The following PLCB1 variants were observed in gnomAD, a reference collection of about 807,000 sequenced individuals.
PLCB1 encodes phospholipase C beta 1.
PLCB1 carries 46 observed loss-of-function variants against 161.8 expected under a neutral mutation model. The ratio of observed to expected loss-of-function variants is 0.28; its 90% CI spans 0.22 to 0.36. PLCB1 has a LOEUF of 0.36. Among genes scored for constraint, PLCB1 ranks in the 10% least tolerant of loss-of-function variants. PLCB1 has a pLI of 1.00. For synonymous variants in PLCB1, 517 were observed against 503.7 expected (o/e 1.03, Z -0.35); for missense variants, 1,016 against 1,472.5 (o/e 0.69, Z 5.07).
intron 2 of PLCB1, among the ~76,000 whole-genome samples, chr20:8,302,432 C>T (rs1382841917): frequency 6.6e-6 from 1 of 152,112 alleles, no homozygotes; most frequent in Non-Finnish European, 1.5e-5. Flanking sequence ...AAATAGGGGG[C>T]CAATTTCATT....
At chr20:8,729,256 GA>G in intron 18 of PLCB1, 82 bp downstream of exon 18, 1 of 1,267,886 alleles carries the variant, frequency 7.9e-7, no homozygotes, top group Non-Finnish European at 1.0e-6. Context: ...TTGGGGGAGA[GA>G]AAATTGCCAG....
chr20:8,350,989 G>A (rs1336181078), intron 2 of PLCB1, among the ~76,000 whole-genome samples: 1 of 152,058 alleles, frequency 6.6e-6, no homozygotes, highest in East Asian at 1.9e-4. Context: ...TTTTTTATAT[G>A]TTGGCATAAT....
chr20:8,202,884 A>G (rs148020338), intron 2 of PLCB1, among the ~76,000 whole-genome samples: 1 of 152,290 alleles, frequency 6.6e-6, no homozygotes, highest in African/African-American at 2.4e-5. Flanking sequence ...GAGGAAGAAC[A>G]CGCAGAGAAA....
intron 2 of PLCB1, among the ~76,000 whole-genome samples, chr20:8,360,519 C>T (rs978357642): frequency 1.3e-5 from 2 of 152,032 alleles, no homozygotes; most frequent in African/African-American, 2.4e-5. Context: ...GATCAACAGT[C>T]GAATGAAAAG....
At chr20:8,568,195 A>G (rs2123042631) in intron 3 of PLCB1, among the ~76,000 whole-genome samples, 1 of 152,346 alleles carries the variant, frequency 6.6e-6, no homozygotes, top group Middle Eastern at 3.4e-3. Flanking sequence ...TATGCTGGAT[A>G]AAGTGTATTG....
chr20:8,151,530 G>A (rs188794552), intron 2 of PLCB1, among the ~76,000 whole-genome samples: 168 of 152,230 alleles, frequency 1.1e-3, no homozygotes, highest in African/African-American at 3.0e-3. Context: ...CAGACCCTAC[G>A]CTAATGTCAA....
intron 3 of PLCB1, among the ~76,000 whole-genome samples, chr20:8,561,656 GT>G (rs1326447711): frequency 6.6e-6 from 1 of 151,906 alleles, no homozygotes; most frequent in East Asian, 1.9e-4. Flanking sequence ...CCTCATTTGT[GT>G]TTGGTAAATT....
intron 3 of PLCB1, among the ~76,000 whole-genome samples, chr20:8,510,882 G>A (rs748902432): frequency 4.5e-4 from 68 of 152,254 alleles, no homozygotes; most frequent in Non-Finnish European, 8.1e-4. Flanking sequence ...GGCAAATAAT[G>A]ATTACATATG....
chr20:8,818,937 A>G (rs992959555), intron 31 of PLCB1, among the ~76,000 whole-genome samples: 1 of 145,188 alleles, frequency 6.9e-6, no homozygotes, highest in East Asian at 2.0e-4. Flanking sequence ...AGGGAGACTC[A>G]GTCTCAAAAA....
At chr20:8,672,449 G>A (rs1453599230) in intron 9 of PLCB1, among the ~76,000 whole-genome samples, 1 of 136,236 alleles carries the variant, frequency 7.3e-6, no homozygotes, top group East Asian at 2.1e-4. Context: ...CCTGCCACAT[G>A]TTCTTTCCTT....
intron 2 of PLCB1, among the ~76,000 whole-genome samples, chr20:8,349,612 CATTTT>C (rs1337762987): frequency 1.3e-5 from 2 of 152,168 alleles, no homozygotes; most frequent in Admixed American, 6.5e-5. Flanking sequence ...TAAGCAAAAA[CATTTT>C]GTTTTGTTTT....
intron 10 of PLCB1, among the ~76,000 whole-genome samples, chr20:8,689,930 T>G (rs911065614): frequency 2.7e-5 from 4 of 150,692 alleles, no homozygotes; most frequent in Non-Finnish European, 5.9e-5. Context: ...GGTTTACCTT[T>G]TTTATGAAGA....
intron 23 of PLCB1, among the ~76,000 whole-genome samples, chr20:8,748,116 C>T (rs1981265221): frequency 6.6e-6 from 1 of 152,230 alleles, no homozygotes; most frequent in South Asian, 2.1e-4. Flanking sequence ...TTTATAGAAA[C>T]AATAGTTTAT....
chr20:8,643,705 TG>T (rs1989029612), intron 4 of PLCB1, among the ~76,000 whole-genome samples: 1 of 149,372 alleles, frequency 6.7e-6, no homozygotes, highest in African/African-American at 2.5e-5. Context: ...CTGGCTAACA[TG>T]GTGAAACCCC....
chr20:8,253,636 A>G (rs1018057161), intron 2 of PLCB1, among the ~76,000 whole-genome samples: 2 of 151,942 alleles, frequency 1.3e-5, no homozygotes, highest in African/African-American at 4.8e-5. Flanking sequence ...TTCAACTTTT[A>G]TTTTAGATAC....
At chr20:8,176,686 A>G (rs1256185894) in intron 2 of PLCB1, among the ~76,000 whole-genome samples, 1 of 152,196 alleles carries the variant, frequency 6.6e-6, no homozygotes, top group Non-Finnish European at 1.5e-5. Flanking sequence ...AATAGATTGT[A>G]TCAATATCAA....
intron 31 of PLCB1, among the ~76,000 whole-genome samples, chr20:8,842,768 G>C (rs1986555159): frequency 1.3e-5 from 2 of 152,166 alleles, no homozygotes; most frequent in South Asian, 4.1e-4. Flanking sequence ...AACAGGACGG[G>C]ATTTTCACGA....
chr20:8,789,343 C>A (rs1167503907), intron 29 of PLCB1, among the ~76,000 whole-genome samples, 175 bp from the exon 30 acceptor site: 1 of 152,174 alleles, frequency 6.6e-6, no homozygotes. Flanking sequence ...GGTGCCACTG[C>A]ACTCTACCAT....
chr20:8,757,064 C>T lies in PLCB1; in HGVS notation c.2542C>T (p.Pro848Ser). ...ATTTTAGGCTGATCCTGGAGAAACA[C>T]CATCAGAGGCTCCAAGTGAAGCGAG... is the stretch of plus-strand genomic sequence containing the variant. ...VKKEADPGET[P>S]SEAPSEARTT... Residue 848 changes from proline to serine, a missense_variant, in exon 24 of 32, where the codon CCA becomes TCA. By Grantham distance (74) the Pro-to-Ser change is moderately conservative. Coordinates refer to ENST00000338037, the MANE Select transcript of PLCB1 (RefSeq NM_015192.4). 3 of 1,610,596 alleles carry T rather than the reference C, an allele frequency of 1.9e-6. No individual in the cohort carries two copies. The highest frequency in any genetic ancestry group is 2.5e-6 in the Non-Finnish European group (3 of 1,178,002).
Sources: gnomAD v4.1 joint callset for allele counts (sites outside exome capture counted in the v4.1 genomes callset) on GRCh38, gnomAD v4.1.1 for gene constraint, MANE v1.5 for transcripts, NCBI Gene and HGNC (gene_info 2026-07-23, HGNC 2026-07-21) for gene names.